Variants in GLI3 observed in about 807,000 individuals in gnomAD.
GLI3 encodes the protein transcription activator GLI3.
Under a neutral mutation model 100.8 loss-of-function variants are expected in GLI3, and 20 were observed. The observed-to-expected ratio is 0.20, with a 90% confidence interval of 0.14 to 0.29. The LOEUF is 0.29. GLI3 is among the 10% of genes least tolerant of loss of function. The pLI is 1.00. For synonymous variants in GLI3, 938 were observed against 860.5 expected, an observed-to-expected ratio of 1.09 and a Z score of -1.58; for missense variants, 2,040 against 2,128.5, an observed-to-expected ratio of 0.96 and a Z score of 0.82.
intron 8 of GLI3, among the ~76,000 whole-genome samples, 184 bp downstream of exon 8, chr7:42,026,015 T>C (rs1789099977): frequency 6.6e-6 from 1 of 152,186 alleles, no homozygotes. Flanking sequence ...AACTGTTTGA[T>C]GAGAAGCATT....
chr7:42,036,953 C>G (rs1215990952), intron 7 of GLI3, among the ~76,000 whole-genome samples: 8 of 152,054 alleles, frequency 5.3e-5, no homozygotes. Flanking sequence ...ACCAGGCTGG[C>G]CAACATGGTG....
chr7:42,036,008 G>A (rs568711101), intron 7 of GLI3, among the ~76,000 whole-genome samples: 2 of 152,252 alleles, frequency 1.3e-5, no homozygotes, highest in South Asian at 2.1e-4. Context: ...TGTCAGGTAC[G>A]TCTAGACAAT....
intron 8 of GLI3, 144 bp downstream of exon 8, chr7:42,026,055 T>C (rs1280603843): frequency 2.9e-6 from 2 of 679,808 alleles, no homozygotes; most frequent in African/African-American, 3.5e-5. Context: ...AACTGAAGAC[T>C]AGACCTCAGC....
intron 10 of GLI3, among the ~76,000 whole-genome samples, chr7:42,000,029 T>C (rs757580805): frequency 2.6e-5 from 4 of 152,218 alleles, no homozygotes; most frequent in Admixed American, 6.5e-5. Context: ...ACCTTCGTCC[T>C]GCAGGGCTGA....
At chr7:42,260,732 T>G (rs1359228220) in intron 1 of GLI3, among the ~76,000 whole-genome samples, 1 of 152,196 alleles carries the variant, frequency 6.6e-6, no homozygotes, top group African/African-American at 2.4e-5. Flanking sequence ...GATGTTGGCT[T>G]GCATCTGAGT....
chr7:42,034,357 AC>A (rs1789376811), intron 7 of GLI3, among the ~76,000 whole-genome samples: 1 of 152,078 alleles, frequency 6.6e-6, no homozygotes. Flanking sequence ...CAGTCTGCTA[AC>A]CTCTCTTAAC....
At chr7:42,035,492 G>T (rs1789412139) in intron 7 of GLI3, among the ~76,000 whole-genome samples, 1 of 152,200 alleles carries the variant, frequency 6.6e-6, no homozygotes, top group Admixed American at 6.5e-5. Context: ...GGCACTCAGA[G>T]GGGTGATGTG....
intron 10 of GLI3, among the ~76,000 whole-genome samples, chr7:41,991,404 T>C (rs573549523): frequency 4.1e-4 from 63 of 152,278 alleles, no homozygotes; most frequent in Non-Finnish European, 6.2e-4. Flanking sequence ...CATTTTTCAA[T>C]CAACTTTTAT....
At position 42,252,481 on chromosome 7, in the gene GLI3, T is replaced by C. The variant is rs187484243; in HGVS notation, c.-43+11513A>G. On this transcript the variant is annotated intron_variant, in intron 1 of 2. Coordinates refer to the GLI3 transcript ENST00000678978. ...AAACCTGCACATGTACCCCTGAACC[T>C]AAAATAAAAGTTAAAAAGAAATGAA... 1.9e-4 allele frequency among the ~76,000 whole-genome samples: 29 copies of C among 152,206 alleles called. 1 individual carries two copies. The East Asian group carries it at 5.0e-3, about 26-fold the overall frequency.
intron 10 of GLI3, among the ~76,000 whole-genome samples, chr7:42,021,318 G>T (rs531170921): frequency 9.2e-5 from 14 of 151,974 alleles, no homozygotes; most frequent in Non-Finnish European, 2.1e-4. Context: ...ATTTCTTCTG[G>T]TTAATCTGAA....
intron 4 of GLI3, among the ~76,000 whole-genome samples, chr7:42,068,375 T>C (rs948688298): frequency 4.6e-5 from 7 of 152,234 alleles, no homozygotes; most frequent in Admixed American, 2.6e-4. Context: ...ATGGCCAAGA[T>C]TGTATTTTTC....
rs117713236 is a variant in GLI3 at position 42,002,095 on chromosome 7, T to C, written c.1497+21373A>G. ...ACACACACGCACACACACACACGTG[T>C]GCAAATAAAGGGAAGAATTGAGAGG... On this transcript the variant is annotated intron_variant, in intron 10 of 14. Coordinates refer to ENST00000395925, the MANE Select transcript of GLI3 (RefSeq NM_000168.6). 2.6e-3 allele frequency among the ~76,000 whole-genome samples: 397 copies of C among 151,706 alleles called. 7 individuals are homozygous for C. In the East Asian group the frequency reaches 0.067, roughly 26 times the overall value.
intron 3 of GLI3, among the ~76,000 whole-genome samples, chr7:42,090,415 G>A (rs1785192949): frequency 6.6e-6 from 1 of 152,182 alleles, no homozygotes; most frequent in African/African-American, 2.4e-5. Context: ...TGTCTTACAT[G>A]TGGTCAGTCC....
intron 3 of GLI3, among the ~76,000 whole-genome samples, chr7:42,130,177 G>A (rs1318121942): frequency 6.6e-6 from 1 of 152,092 alleles, no homozygotes; most frequent in Non-Finnish European, 1.5e-5. Flanking sequence ...CTGGCATGTG[G>A]AGAAGCTCCA....
chr7:42,262,205 CTTCT>C (rs199596558), intron 1 of GLI3, among the ~76,000 whole-genome samples: 3,449 of 119,088 alleles, frequency 0.029, 235 homozygotes, highest in African/African-American at 0.095. Context: ...TTTTTCCTTC[CTTCT>C]TTCCTTCCTT....
chr7:42,067,754 C>A (rs1446240328), intron 4 of GLI3, among the ~76,000 whole-genome samples: 1 of 152,014 alleles, frequency 6.6e-6, no homozygotes. Flanking sequence ...ATGAGGGACC[C>A]TGTATGGGGG....
chr7:42,051,863 G>A (rs1411561010), intron 4 of GLI3, among the ~76,000 whole-genome samples: 1 of 152,002 alleles, frequency 6.6e-6, no homozygotes, highest in Non-Finnish European at 1.5e-5. Context: ...GTCACCCAAA[G>A]TCCATAGTTT....
intron 10 of GLI3, among the ~76,000 whole-genome samples, chr7:42,011,459 A>G (rs887145028): frequency 6.6e-6 from 1 of 152,236 alleles, no homozygotes; most frequent in Admixed American, 6.5e-5. Flanking sequence ...TGAACTTGTA[A>G]ATGAATGTTC....
intron 2 of GLI3, among the ~76,000 whole-genome samples, chr7:42,209,890 T>C (rs112657489): frequency 6.2e-5 from 9 of 146,230 alleles, no homozygotes; most frequent in African/African-American, 2.2e-4. Flanking sequence ...TCTAATCATT[T>C]GACCTAAATT....
Sources: gnomAD v4.1 joint callset for allele counts (sites outside exome capture counted in the v4.1 genomes callset) on GRCh38, gnomAD v4.1.1 for gene constraint, MANE v1.5 for transcripts, NCBI Gene and HGNC (gene_info 2026-07-23, HGNC 2026-07-21) for gene names.